TBXAS1: variants seen among roughly 807,000 people sequenced by gnomAD.
The protein encoded by TBXAS1 is thromboxane-A synthase.
TBXAS1 carries 48 observed loss-of-function variants against 60.7 expected under a neutral mutation model. The ratio of observed to expected loss-of-function variants is 0.79; its 90% CI spans 0.63 to 1.01. The LOEUF is 1.01. Ranked by LOEUF, TBXAS1 falls within the 50% of genes least tolerant of loss-of-function variation. The pLI, the probability that TBXAS1 is intolerant of heterozygous loss-of-function variation, is 0.00. For missense variants in TBXAS1, 685 were observed against 686.3 expected (o/e 1.00, Z 0.02); for synonymous variants, 287 against 269.7 (o/e 1.06, Z -0.63).
At chr7:139,854,386 T>C (rs1800439587) in intron 1 of TBXAS1, among the ~76,000 whole-genome samples, 1 of 151,962 alleles carries the variant, frequency 6.6e-6, no homozygotes, top group Non-Finnish European at 1.5e-5. Flanking sequence ...AGGTGCCAAA[T>C]AAAGGAGGTT....
chr7:139,830,222 A>G (rs1798616618), intron 1 of TBXAS1, among the ~76,000 whole-genome samples: 1 of 152,188 alleles, frequency 6.6e-6, no homozygotes, highest in African/African-American at 2.4e-5. Flanking sequence ...TTACCCATTC[A>G]ATCAAAAGCA....
At chr7:139,875,772 G>A (rs41305939) in intron 3 of TBXAS1, 135 bp downstream of exon 3, 1,013 of 1,209,428 alleles carry the variant, frequency 8.4e-4, no homozygotes, top group Non-Finnish European at 1.1e-3. Flanking sequence ...TTTTTCAAAG[G>A]GCCCACAAAG....
chr7:139,785,262 T>C (rs557479380), intron 3 of TBXAS1, among the ~76,000 whole-genome samples: 1 of 152,242 alleles, frequency 6.6e-6, no homozygotes, highest in East Asian at 1.9e-4. Context: ...CTGCTTGTTC[T>C]CTTGGCAAGC....
At chr7:139,901,127 C>T (rs1184215883) in intron 3 of TBXAS1, among the ~76,000 whole-genome samples, 1 of 152,132 alleles carries the variant, frequency 6.6e-6, no homozygotes, top group Non-Finnish European at 1.5e-5. Flanking sequence ...GACACACTTC[C>T]CTTACATTTT....
chr7:139,949,116 C>G (rs1333138072), intron 5 of TBXAS1, among the ~76,000 whole-genome samples: 1 of 152,122 alleles, frequency 6.6e-6, no homozygotes, highest in Non-Finnish European at 1.5e-5. Context: ...ACGTAGAAGA[C>G]CCGATGGTGG....
At position 139,877,338 on chromosome 7, in the gene TBXAS1, G is replaced by A. The variant is rs146819932; in HGVS notation, c.236+1701G>A. 2.1e-3 allele frequency among the ~76,000 whole-genome samples: 314 copies of A among 152,304 alleles called. 3 individuals are homozygous for A. Among genetic ancestry groups the A allele is most frequent in the African/African-American group, 6.8e-3 (282 of 41,580 alleles). On this transcript the variant is annotated intron_variant, in intron 3 of 12. Transcript: ENST00000448866. ...CTTGCTTTAAGCGTGATAGGTGCTCGATAAAGGCTCAAGAAATTGAACTGT... is the reference window on the plus strand; with the variant it reads ...CTTGCTTTAAGCGTGATAGGTGCTCAATAAAGGCTCAAGAAATTGAACTGT...
intron 9 of TBXAS1, among the ~76,000 whole-genome samples, chr7:139,981,613 G>A (rs1215715667): frequency 6.6e-6 from 1 of 152,172 alleles, no homozygotes; most frequent in East Asian, 1.9e-4. Context: ...GTTGGAGGCC[G>A]CCAACCTCTA....
chr7:139,981,870 G>A (rs1812003691), intron 9 of TBXAS1, among the ~76,000 whole-genome samples: 1 of 152,184 alleles, frequency 6.6e-6, no homozygotes, highest in Non-Finnish European at 1.5e-5. Context: ...TCAGAAAGAT[G>A]TCATTTTTTT....
At chr7:139,785,022 C>T (rs1388137136) in intron 3 of TBXAS1, among the ~76,000 whole-genome samples, 2 of 150,742 alleles carry the variant, frequency 1.3e-5, no homozygotes. Context: ...ACCCCAAACC[C>T]ACTGACTCAG....
chr7:139,977,154 G>A (rs1288502946), intron 9 of TBXAS1, among the ~76,000 whole-genome samples: 1 of 152,144 alleles, frequency 6.6e-6, no homozygotes, highest in East Asian at 1.9e-4. Flanking sequence ...GACTCTAGGA[G>A]GGTGTATTAG....
chr7:139,913,329 C>A, intron 4 of TBXAS1: 3 of 577,912 alleles, frequency 5.2e-6, no homozygotes, highest in Non-Finnish European at 6.3e-6. Context: ...TCAGCCTCAG[C>A]AAGGAGTGCT....
At chr7:139,931,701 A>C (rs560240544) in intron 4 of TBXAS1, among the ~76,000 whole-genome samples, 15 of 151,498 alleles carry the variant, frequency 9.9e-5, no homozygotes, top group Admixed American at 9.2e-4. Flanking sequence ...CCCACGATTC[A>C]ATTTCCTCCC....
At chr7:139,821,346 A>G (rs1798289790) in intron 4 of TBXAS1, among the ~76,000 whole-genome samples, 1 of 152,208 alleles carries the variant, frequency 6.6e-6, no homozygotes, top group Non-Finnish European at 1.5e-5. Flanking sequence ...TCTGAAACTC[A>G]GGAATGACAA....
Position 140,002,554 on chromosome 7 carries a change from C to G in TBXAS1, c.1135-4537C>G, listed in dbSNP as rs181473143. 4.4e-4 allele frequency among the ~76,000 whole-genome samples: 67 copies of G among 152,312 alleles called. 1 individual carries two copies. The highest frequency in any genetic ancestry group is 3.3e-3 in the Admixed American group (51 of 15,300). On this transcript the variant is annotated intron_variant, in intron 9 of 12. Coordinates refer to ENST00000448866, the MANE Select transcript of TBXAS1 (RefSeq NM_001061.7). ...CAAAGCCAGCAACTGCTGGGTGGACCAGCCAGTGAGTGGGATAGGGACTTG... is the reference window on the plus strand; with the variant it reads ...CAAAGCCAGCAACTGCTGGGTGGACGAGCCAGTGAGTGGGATAGGGACTTG...
chr7:139,869,018 C>A (rs973595079), intron 1 of TBXAS1, among the ~76,000 whole-genome samples: 2 of 151,994 alleles, frequency 1.3e-5, no homozygotes, highest in African/African-American at 4.8e-5. Flanking sequence ...AGGCTGGTCT[C>A]AAACTCCTGG....
At chr7:139,952,939 A>T (rs1272207755) in intron 5 of TBXAS1, among the ~76,000 whole-genome samples, 1 of 152,232 alleles carries the variant, frequency 6.6e-6, no homozygotes, top group Non-Finnish European at 1.5e-5. Context: ...CTAGTGAAAG[A>T]TCTAAAATAC....
chr7:139,796,270 C>A (rs556323579), intron 4 of TBXAS1, among the ~76,000 whole-genome samples: 144 of 152,116 alleles, frequency 9.5e-4, no homozygotes, highest in African/African-American at 2.9e-3. Flanking sequence ...ATGAATAAAC[C>A]AACTAGGGTT....
In TBXAS1 at chr7:140,020,176, G is replaced by GA. The variant is rs759498290; in HGVS notation, c.*82dup. On this transcript the variant is annotated 3_prime_UTR_variant, in exon 13 of 13. Coordinates refer to ENST00000448866, the MANE Select transcript of TBXAS1 (RefSeq NM_001061.7). ...CTAAGTGTGGATGTTCAGAATTTTG[G>GA]AAAAATGTCACTGAAGTGATTGAAA... 4 of 1,427,108 alleles carry GA rather than the reference G, an allele frequency of 2.8e-6. No individual in the cohort carries two copies. The East Asian group carries it at 9.1e-5, about 32-fold the overall frequency. 88.4% of individuals were successfully genotyped at this position (1,427,108 alleles called of 1,614,324 possible).
intron 4 of TBXAS1, among the ~76,000 whole-genome samples, chr7:139,931,985 T>C (rs945753976): frequency 2.6e-5 from 4 of 151,920 alleles, no homozygotes; most frequent in African/African-American, 9.7e-5. Flanking sequence ...AGCACAACCA[T>C]GTGAGTGTAC....
Sources: gnomAD v4.1 joint callset for allele counts (sites outside exome capture counted in the v4.1 genomes callset) on GRCh38, gnomAD v4.1.1 for gene constraint, MANE v1.5 for transcripts, NCBI Gene and HGNC (gene_info 2026-07-23, HGNC 2026-07-21) for gene names.